The following ACOT7 variants were observed in gnomAD, a reference collection of about 807,000 sequenced individuals.
The protein encoded by ACOT7 is cytosolic acyl coenzyme A thioester hydrolase.
In ACOT7, 12 loss-of-function variants were observed where a neutral mutation model predicts 40.2. The observed-to-expected ratio is 0.30, with a 90% CI of 0.19 to 0.48. ACOT7 has a LOEUF of 0.48. Among genes scored for constraint, ACOT7 ranks in the 20% least tolerant of loss-of-function variants. The probability of loss-of-function intolerance (pLI) is 0.99; values close to 1 mark genes in which losing one functional copy is unlikely to be tolerated. For synonymous variants in ACOT7, 228 were observed against 219.5 expected, an observed-to-expected ratio of 1.04 and a Z score of -0.34; for missense variants, 395 against 530.8, an observed-to-expected ratio of 0.74 and a Z score of 2.51.
intron 1 of ACOT7, among the ~76,000 whole-genome samples, chr1:6,383,514 T>A (rs1040301655): frequency 6.7e-6 from 1 of 149,950 alleles, no homozygotes; most frequent in African/African-American, 2.5e-5. Flanking sequence ...AACGGTAAAT[T>A]ATATATTATG....
At chr1:6,273,330 G>A (rs1320359236) in intron 8 of ACOT7, among the ~76,000 whole-genome samples, 1 of 152,212 alleles carries the variant, frequency 6.6e-6, no homozygotes, top group African/African-American at 2.4e-5. Flanking sequence ...ACCCATGCTC[G>A]GGTTCTAGGC....
At chr1:6,372,480 C>T (rs943382487) in intron 1 of ACOT7, among the ~76,000 whole-genome samples, 2 of 152,074 alleles carry the variant, frequency 1.3e-5, no homozygotes, top group Non-Finnish European at 2.9e-5. Context: ...AACTGTTTGG[C>T]ACACGAGGCC....
chr1:6,327,569 CAG>C (rs149253585), intron 4 of ACOT7, among the ~76,000 whole-genome samples, 156 bp from the exon 5 acceptor site: 10,396 of 152,184 alleles, frequency 0.068, 380 homozygotes, highest in Non-Finnish European at 0.088. Flanking sequence ...AATACAGAAA[CAG>C]TGAAATCCCA....
At chr1:6,300,009 G>A (rs1223735195) in intron 6 of ACOT7, among the ~76,000 whole-genome samples, 1 of 152,214 alleles carries the variant, frequency 6.6e-6, no homozygotes, top group African/African-American at 2.4e-5. Flanking sequence ...GTGATGAAGT[G>A]ACAACAGCTG....
chr1:6,317,438 A>G (rs1387319824), intron 6 of ACOT7, among the ~76,000 whole-genome samples: 1 of 152,256 alleles, frequency 6.6e-6, no homozygotes, highest in Non-Finnish European at 1.5e-5. Flanking sequence ...AAACTCTGGG[A>G]AGCCAAGCTA....
In ACOT7 at chr1:6,385,485, T is replaced by A. The variant is rs781670466; in HGVS notation, c.143+7772A>T. 1.3e-4 allele frequency: 206 copies of A among 1,604,944 alleles called. 6 individuals carry two copies. The highest frequency in any genetic ancestry group is 1.3e-4 in the Non-Finnish European group (158 of 1,174,750). ...CACCATGGGCACAAAATATTCCCAGTCATCCTACCTTCCAGTAATGCAGGC... is the reference window on the plus strand; with the variant it reads ...CACCATGGGCACAAAATATTCCCAGACATCCTACCTTCCAGTAATGCAGGC... On this transcript the variant is annotated intron_variant, in intron 1 of 8. Transcript: ENST00000361521.
Position 6,301,157 on chromosome 1 carries a change from G to C in ACOT7, c.713-6177C>G, listed in dbSNP as rs1639965595. 1.3e-5 allele frequency among the ~76,000 whole-genome samples: 2 copies of C among 152,228 alleles called. No homozygotes were observed. Among genetic ancestry groups the C allele is most frequent in the Admixed American group, 1.3e-4 (2 of 15,286 alleles). ...TCAACTCAGGGTGGTTTAGCTGTGG[G>C]GGAAGGAGGAGGGAAAGGAAGGGTT... On this transcript the variant is annotated intron_variant, in intron 6 of 8. Coordinates refer to ENST00000361521, the MANE Select transcript of ACOT7 (RefSeq NM_007274.4). The surrounding 1 kb of genome is among the most constrained non-coding windows in gnomAD (Gnocchi z 4.1).
At position 6,294,841 on chromosome 1, in the gene ACOT7, G is replaced by A. The variant is rs759627829; in HGVS notation, c.829+23C>T. ...GCAGCCGAGGGCCACTGCCTCCCTC[G>A]TCTTTGCCAGAAGAGTGGTTACCTT... On this transcript the variant is annotated intron_variant, in intron 7 of 8. Coordinates refer to ENST00000361521, the MANE Select transcript of ACOT7 (RefSeq NM_007274.4). The surrounding 1 kb of genome is among the most constrained non-coding windows in gnomAD (Gnocchi z 4.6). 13 of 1,604,146 alleles carry A rather than the reference G, an allele frequency of 8.1e-6. No homozygotes were observed. In the East Asian group the frequency reaches 8.9e-5, roughly 11 times the overall value.
chr1:6,372,069 A>G (rs916892810), intron 1 of ACOT7, among the ~76,000 whole-genome samples: 5 of 151,474 alleles, frequency 3.3e-5, no homozygotes, highest in African/African-American at 1.2e-4. Context: ...GAAAAAACCT[A>G]TTGTGTAGCC....
At chr1:6,283,474 C>T (rs1639411883) in intron 7 of ACOT7, among the ~76,000 whole-genome samples, 1 of 152,182 alleles carries the variant, frequency 6.6e-6, no homozygotes, top group Non-Finnish European at 1.5e-5. Context: ...GCTCCAAAAA[C>T]ATGCTCTTGG....
chr1:6,271,756 G>A (rs1365425960), intron 8 of ACOT7, among the ~76,000 whole-genome samples: 1 of 152,238 alleles, frequency 6.6e-6, no homozygotes, highest in Non-Finnish European at 1.5e-5. Context: ...GATCATTGTG[G>A]AGAGTCATAA....
intron 2 of ACOT7, among the ~76,000 whole-genome samples, chr1:6,348,394 A>G (rs72858368): frequency 0.081 from 12,306 of 151,652 alleles, 1,157 homozygotes; most frequent in African/African-American, 0.23. Context: ...AACACACCCT[A>G]CCCACTGTTC....
At chr1:6,349,641 T>G in intron 2 of ACOT7, 108 bp downstream of exon 2, 1 of 1,060,464 alleles carries the variant, frequency 9.4e-7, no homozygotes, top group Non-Finnish European at 1.4e-6. Context: ...CAAGGCCCAG[T>G]GCACAAGGGG....
chr1:6,299,730 G>A lies in ACOT7; in HGVS notation c.713-4750C>T, dbSNP rs956564423. ...GCGTGTGTTTAAGGGGCTTAGTAGCGGCAGAGCTGCAGCCCACAGACTGAG... is the reference window on the plus strand; with the variant it reads ...GCGTGTGTTTAAGGGGCTTAGTAGCAGCAGAGCTGCAGCCCACAGACTGAG... On this transcript the variant is annotated intron_variant, in intron 6 of 8. Transcript: ENST00000361521. The surrounding 1 kb of genome is among the most constrained non-coding windows in gnomAD (Gnocchi z 4.1). Among the ~76,000 whole-genome samples the A allele has an allele frequency of 1.2e-4, 19 of 152,112 alleles. No individual in the cohort carries two copies. Among genetic ancestry groups the A allele is most frequent in the Admixed American group, 4.6e-4 (7 of 15,274 alleles).
rs908991617 is a variant in ACOT7, at chr1:6,352,623, G to A, written c.144-2757C>T. Among the ~76,000 whole-genome samples the A allele has an allele frequency of 1.2e-4, 18 of 149,070 alleles. No homozygotes were observed. The highest frequency in any genetic ancestry group is 2.2e-4 in the African/African-American group (9 of 40,070). On this transcript the variant is annotated intron_variant, in intron 1 of 8. Transcript: ENST00000361521. The surrounding 1 kb of genome is among the most constrained non-coding windows in gnomAD (Gnocchi z 4.5). ...TTTTTTTTTTTTGAGACGGCGTCTCGCTCTGTCTCCCAGGCTGGAGTGCAG... is the reference window on the plus strand; with the variant it reads ...TTTTTTTTTTTTGAGACGGCGTCTCACTCTGTCTCCCAGGCTGGAGTGCAG...
chr1:6,367,012 C>G (rs1192303785), intron 1 of ACOT7, among the ~76,000 whole-genome samples: 1 of 151,954 alleles, frequency 6.6e-6, no homozygotes, highest in Non-Finnish European at 1.5e-5. Context: ...TGATGGCTAA[C>G]ATGGTGAAAC....
intron 8 of ACOT7, among the ~76,000 whole-genome samples, chr1:6,270,385 A>C (rs554014750): frequency 3.9e-5 from 6 of 152,338 alleles, no homozygotes; most frequent in African/African-American, 1.4e-4. Flanking sequence ...TGGTGGGGGA[A>C]GGACTGGAGC....
chr1:6,340,313 C>T (rs1641242906), intron 2 of ACOT7, among the ~76,000 whole-genome samples: 1 of 152,158 alleles, frequency 6.6e-6, no homozygotes, highest in Non-Finnish European at 1.5e-5. Context: ...GTAGAGGAGC[C>T]CTGCAGAGTC....
rs1454715060 is a variant in ACOT7, at chr1:6,306,058, G to A, written c.713-11078C>T. Among the ~76,000 whole-genome samples the A allele has an allele frequency of 4.6e-5, 7 of 151,908 alleles. No homozygotes were observed. The highest frequency in any genetic ancestry group is 1.9e-4 in the East Asian group (1 of 5,158). On this transcript the variant is annotated intron_variant, in intron 6 of 8. Coordinates refer to ENST00000361521, the MANE Select transcript of ACOT7 (RefSeq NM_007274.4). The surrounding 1 kb of genome is among the most constrained non-coding windows in gnomAD (Gnocchi z 4.3). ...ACGAAAACCAGTCAGGCGTGGCGGC[G>A]CGCGCCTGCAATCGCAGGCACTCGG... is the stretch of plus-strand genomic sequence containing the variant.
Sources: gnomAD v4.1 joint callset for allele counts (sites outside exome capture counted in the v4.1 genomes callset) on GRCh38, gnomAD v4.1.1 for gene constraint, Gnocchi (gnomAD v3.1) non-coding constraint, MANE v1.5 for transcripts, NCBI Gene and HGNC (gene_info 2026-07-23, HGNC 2026-07-21) for gene names.